The following FBXO38 variants were observed in gnomAD, a reference collection of about 807,000 sequenced individuals.
FBXO38 encodes F-box only protein 38.
Under a neutral mutation model 131.9 loss-of-function variants are expected in FBXO38, and 53 were observed. That is an observed-to-expected ratio of 0.40 (90% CI 0.32 to 0.51). The LOEUF (loss-of-function observed/expected upper bound fraction) is 0.51. FBXO38 is among the 20% of genes least tolerant of loss of function. The probability of loss-of-function intolerance (pLI) is 0.53; values close to 1 mark genes in which losing one functional copy is unlikely to be tolerated. For missense variants in FBXO38, 1,076 were observed against 1,475.6 expected, an observed-to-expected ratio of 0.73 and a Z score of 4.44; for synonymous variants, 452 against 505.6, an observed-to-expected ratio of 0.89 and a Z score of 1.42.
At chr5:148,416,184 G>A (rs1163305153) in intron 11 of FBXO38, 114 bp downstream of exon 11, 19 of 1,038,848 alleles carry the variant, frequency 1.8e-5, no homozygotes, top group East Asian at 1.1e-4. Flanking sequence ...TGTTACAGTC[G>A]GACTTTTTAC....
chr5:148,435,695 G>T (rs984780164), intron 17 of FBXO38, among the ~76,000 whole-genome samples: 4 of 152,228 alleles, frequency 2.6e-5, no homozygotes, highest in Middle Eastern at 6.8e-3. Context: ...GCATGAACCC[G>T]GTAGGCGGGG....
chr5:148,417,065 C>T lies in FBXO38; in HGVS notation c.1479C>T (p.Asn493=). 1 of 1,613,464 alleles carries T rather than the reference C, an allele frequency of 6.2e-7. No homozygotes were observed. The highest frequency in any genetic ancestry group is 1.1e-5 in the South Asian group (1 of 91,074). ...CATCAGCTCTTGTTAGCAACCAGAACTCCAACAATGACGATAATAATGCCC... is the reference window on the plus strand; with the variant it reads ...CATCAGCTCTTGTTAGCAACCAGAATTCCAACAATGACGATAATAATGCCC... The part of the protein sequence containing the change: ...GVSSALVSNQ[N]SNNDDNNAQN... The change falls in exon 12 of 22, where the codon AAC becomes AAT. Residue 493 remains asparagine (N), a synonymous_variant. Coordinates refer to ENST00000340253, the MANE Select transcript of FBXO38 (RefSeq NM_205836.3).
intron 1 of FBXO38, among the ~76,000 whole-genome samples, chr5:148,393,188 G>GGGTGTGTGTGT (rs1420907423): frequency 7.9e-6 from 1 of 127,036 alleles, no homozygotes; most frequent in African/African-American, 3.1e-5. Flanking sequence ...ACAGAAGAGG[G>GGGTGTGTGTGT]GTGTGTGTGT....
At chr5:148,393,578 A>C (rs1326863141) in intron 1 of FBXO38, among the ~76,000 whole-genome samples, 1 of 152,036 alleles carries the variant, frequency 6.6e-6, no homozygotes, top group Non-Finnish European at 1.5e-5. Context: ...AACTGTGTTT[A>C]CTGTCTTTGC....
intron 18 of FBXO38, among the ~76,000 whole-genome samples, chr5:148,438,743 C>T (rs534066889): frequency 1.3e-5 from 2 of 152,280 alleles, no homozygotes; most frequent in Admixed American, 6.5e-5. Flanking sequence ...GATTAAATTT[C>T]TGGCTGTCTG....
At chr5:148,421,936 C>T (rs949020356) in intron 12 of FBXO38, among the ~76,000 whole-genome samples, 1 of 152,166 alleles carries the variant, frequency 6.6e-6, no homozygotes, top group African/African-American at 2.4e-5. Context: ...CCTACCTGCT[C>T]TCCAAGACGT....
At chr5:148,417,788 C>T (rs753670244) in intron 12 of FBXO38, among the ~76,000 whole-genome samples, 2 of 152,146 alleles carry the variant, frequency 1.3e-5, no homozygotes, top group African/African-American at 2.4e-5. Flanking sequence ...TCCATCCATC[C>T]TTCTGTTGAT....
intron 3 of FBXO38, 92 bp from the exon 4 acceptor site, chr5:148,401,890 C>A (rs1581236880): frequency 7.9e-7 from 1 of 1,260,536 alleles, no homozygotes; most frequent in African/African-American, 1.5e-5. Flanking sequence ...AAGAGGAAGT[C>A]TTTTTTAACT....
intron 1 of FBXO38, among the ~76,000 whole-genome samples, chr5:148,393,225 G>GTGTGTA (rs1758302814): frequency 6.6e-6 from 1 of 150,654 alleles, no homozygotes; most frequent in Non-Finnish European, 1.5e-5. Flanking sequence ...GTGTGTGTGT[G>GTGTGTA]TGTGTGTGTG....
At chr5:148,429,809 C>G (rs1383584877) in intron 15 of FBXO38, among the ~76,000 whole-genome samples, 1 of 152,002 alleles carries the variant, frequency 6.6e-6, no homozygotes, top group African/African-American at 2.4e-5. Flanking sequence ...TTGTGTTCTG[C>G]TTATCCCTTA....
At chr5:148,398,797 C>G (rs1581232324) in intron 2 of FBXO38, among the ~76,000 whole-genome samples, 1 of 151,872 alleles carries the variant, frequency 6.6e-6, no homozygotes, top group East Asian at 1.9e-4. Flanking sequence ...AGCTCAATAC[C>G]TTATTTGGAT....
At chr5:148,425,763 C>G in intron 14 of FBXO38, 62 bp downstream of exon 14, 2 of 1,433,926 alleles carry the variant, frequency 1.4e-6, no homozygotes, top group Non-Finnish European at 1.9e-6. Context: ...ACACACTTGG[C>G]CTTAATATGA....
chr5:148,393,358 T>C (rs996557982), intron 1 of FBXO38, among the ~76,000 whole-genome samples: 2 of 152,100 alleles, frequency 1.3e-5, no homozygotes, highest in African/African-American at 2.4e-5. Flanking sequence ...CTTAGCCTAG[T>C]AGAGTGTCCA....
At chr5:148,393,011 A>G (rs780404862) in intron 1 of FBXO38, among the ~76,000 whole-genome samples, 3 of 152,100 alleles carry the variant, frequency 2.0e-5, no homozygotes, top group Non-Finnish European at 4.4e-5. Context: ...AGTTCTGAGT[A>G]TGAACTTTAT....
chr5:148,414,905 A>G (rs949206734), intron 10 of FBXO38, among the ~76,000 whole-genome samples: 7 of 152,148 alleles, frequency 4.6e-5, no homozygotes, highest in Non-Finnish European at 1.0e-4. Context: ...TTTACAAACC[A>G]TTAAATAAAT....
rs140204686 is a variant in FBXO38, at chr5:148,427,252, A to C, written c.1958A>C (p.Asn653Thr). 6.2e-7 allele frequency: 1 copy of C among 1,613,808 alleles called. No homozygotes were observed. The highest frequency in any genetic ancestry group is 8.5e-7 in the Non-Finnish European group (1 of 1,179,862). ...KGKTPLRKRY[N>T]SHQMGQSKQF... ...AAGACTCCACTTCGAAAGAGGTACA[A>C]CTCCCATCAGATGGGCCAGTCGAAG... is the stretch of plus-strand genomic sequence containing the variant. The change falls in exon 15 of 22, where the codon AAC (asparagine) becomes ACC (threonine). Residue 653 changes from asparagine to threonine, a missense_variant. Physicochemically the swap from Asn to Thr is moderately conservative, Grantham distance 65 (BLOSUM62 0). This residue lies in a region of FBXO38 where 212 missense variants were observed against 221.2 expected (regional missense o/e 0.96). Transcript: ENST00000340253.
Position 148,442,362 on chromosome 5 carries a change from T to C in FBXO38, c.*215T>C, listed in dbSNP as rs1235275184. 2.9e-6 allele frequency: 1 copy of C among 348,764 alleles called. No individual in the cohort carries two copies. Among genetic ancestry groups the C allele is most frequent in the Non-Finnish European group, 5.1e-6 (1 of 195,800 alleles). 21.6% of individuals were successfully genotyped at this position (348,764 alleles called of 1,614,324 possible). On this transcript the variant is annotated 3_prime_UTR_variant, in exon 22 of 22. Transcript: ENST00000340253. ...TAAAGTACCAACTTTATATCATATG[T>C]TTATACAATTTAATTTAAAAATTCA...
In FBXO38 at chr5:148,441,233, A is replaced by G. The variant is rs371295656; in HGVS notation, c.3384A>G (p.Glu1128=). The change falls in exon 21 of 22, where the codon GAA becomes GAG. Residue 1128 remains glutamate, a synonymous_variant. Transcript: ENST00000340253. ...SFARYDFEDD[E]ESTIYAPRRK... ...CTCGATACGACTTTGAAGACGATGA[A>G]GAAAGTAATTATGACCTGACTTGAC... 5.0e-6 allele frequency: 8 copies of G among 1,610,866 alleles called. No individual in the cohort carries two copies. The highest frequency in any genetic ancestry group is 5.9e-6 in the Non-Finnish European group (7 of 1,177,126).
chr5:148,396,563 C>A (rs3925019), intron 2 of FBXO38, among the ~76,000 whole-genome samples: 62,106 of 151,992 alleles, frequency 0.41, 14,725 homozygotes, highest in African/African-American at 0.65. Context: ...TCTTTAAGAA[C>A]ACATAGGTAA....
Sources: allele counts gnomAD v4.1 joint callset (sites outside exome capture counted in the v4.1 genomes callset), GRCh38; gene constraint gnomAD v4.1.1; regional missense constraint gnomAD v4.1.1; transcripts MANE v1.5; gene names NCBI Gene and HGNC (gene_info 2026-07-23, HGNC 2026-07-21).